The following SEC14L6 variants were observed in gnomAD, a reference collection of about 807,000 sequenced individuals.
SEC14L6 encodes SEC14 like lipid binding 6, also known as SEC14-like protein 6.
Under a neutral mutation model 54.1 loss-of-function variants are expected in SEC14L6, and 40 were observed. That is an observed-to-expected ratio of 0.74 (90% CI 0.57 to 0.96). The LOEUF (loss-of-function observed/expected upper bound fraction) is 0.96, where lower values mean the gene tolerates loss of function less well. SEC14L6 is among the 40% of genes least tolerant of loss of function. The pLI is 0.00. For missense variants in SEC14L6, 471 were observed against 498.3 expected, an observed-to-expected ratio of 0.95 and a Z score of 0.52; for synonymous variants, 171 against 198.4, an observed-to-expected ratio of 0.86 and a Z score of 1.16.
chr22:30,532,122 G>A (rs1601885908), intron 5 of SEC14L6, 124 bp from the exon 6 acceptor site: 1 of 1,427,966 alleles, frequency 7.0e-7, no homozygotes, highest in Admixed American at 2.9e-5. Context: ...GCACAGAGAT[G>A]GGGGAGGGAA....
At chr22:30,532,223 T>A in intron 5 of SEC14L6, 2 of 985,448 alleles carry the variant, frequency 2.0e-6, no homozygotes, top group Non-Finnish European at 2.4e-6. Context: ...TGTGTTGCAG[T>A]TCCCTCTTCG....
At chr22:30,532,737 G>A (rs761949699) in intron 4 of SEC14L6, 24 bp from the exon 5 acceptor site, 81 of 1,591,860 alleles carry the variant, frequency 5.1e-5, no homozygotes, top group Non-Finnish European at 6.3e-5. Context: ...CAGGAGACGG[G>A]GGTTCAGTGC....
intron 2 of SEC14L6, among the ~76,000 whole-genome samples, chr22:30,538,223 C>G (rs1038944709): frequency 6.6e-6 from 1 of 151,900 alleles, no homozygotes; most frequent in Non-Finnish European, 1.5e-5. Flanking sequence ...ATCCTAACTA[C>G]TCGGGAGGCT....
chr22:30,527,327 T>C (rs534796465), intron 8 of SEC14L6, among the ~76,000 whole-genome samples: 2 of 151,850 alleles, frequency 1.3e-5, no homozygotes, highest in African/African-American at 4.8e-5. Flanking sequence ...AAACAACAAA[T>C]TAAAATAGTC....
chr22:30,531,643 G>C (rs1255013181), intron 6 of SEC14L6, among the ~76,000 whole-genome samples: 1 of 152,304 alleles, frequency 6.6e-6, no homozygotes, highest in Non-Finnish European at 1.5e-5. Flanking sequence ...AGAATTGCTT[G>C]AACCCGGGAG....
intron 5 of SEC14L6, 104 bp downstream of exon 5, chr22:30,532,421 G>T (rs1601886473): frequency 1.5e-6 from 2 of 1,343,744 alleles, no homozygotes; most frequent in East Asian, 5.0e-5. Flanking sequence ...GTACCAGGAG[G>T]AGCCGAGGAG....
At chr22:30,536,679 T>C (rs2146281868) in intron 2 of SEC14L6, among the ~76,000 whole-genome samples, 1 of 152,136 alleles carries the variant, frequency 6.6e-6, no homozygotes, top group African/African-American at 2.4e-5. Context: ...CAATAATACC[T>C]ACCTAATTGG....
intron 6 of SEC14L6, among the ~76,000 whole-genome samples, chr22:30,529,972 C>A (rs558259167): frequency 2.6e-5 from 4 of 152,102 alleles, no homozygotes; most frequent in Admixed American, 6.6e-5. Flanking sequence ...AATTAAAATT[C>A]TTGGTTAGAC....
At position 30,523,017 on chromosome 22, in the gene SEC14L6, G is replaced by A. The variant is rs550258081; in HGVS notation, c.*1980C>T. 6.6e-6 allele frequency: 1 copy of A among 152,328 alleles called. No individual in the cohort carries two copies. The highest frequency in any genetic ancestry group is 3.4e-3 in the Middle Eastern group (1 of 294). The allele number at this position is 152,328 out of a possible 1,614,324, so 9.4% of individuals were successfully genotyped here. A position where few individuals can be genotyped will look rare whatever the true frequency, so the allele number is the denominator to read the frequency against. On this transcript the variant is annotated 3_prime_UTR_variant, in exon 12 of 12. Coordinates refer to ENST00000402034, the MANE Select transcript of SEC14L6 (RefSeq NM_001193336.4). ...AGAATCAAAAGGCTAAATATTGCAC[G>A]ATTCCATTTATATGACACTCTGGAA...
chr22:30,530,784 G>A (rs996309173), intron 6 of SEC14L6, among the ~76,000 whole-genome samples: 2 of 152,222 alleles, frequency 1.3e-5, no homozygotes, highest in African/African-American at 2.4e-5. Flanking sequence ...GCTGCCCTGC[G>A]GCCCAGGCCT....
At chr22:30,545,209 C>T (rs1240823666) in intron 1 of SEC14L6, among the ~76,000 whole-genome samples, 1 of 152,192 alleles carries the variant, frequency 6.6e-6, no homozygotes, top group East Asian at 1.9e-4. Flanking sequence ...CACCCTGTTC[C>T]TGCCTCCTCC....
chr22:30,530,464 G>A (rs904671867), intron 6 of SEC14L6, among the ~76,000 whole-genome samples: 5 of 152,116 alleles, frequency 3.3e-5, no homozygotes, highest in Non-Finnish European at 5.9e-5. Context: ...GCAGTGGCGC[G>A]ATCTCAACTC....
chr22:30,545,075 G>A (rs141325068), intron 1 of SEC14L6, among the ~76,000 whole-genome samples: 2 of 151,966 alleles, frequency 1.3e-5, no homozygotes, highest in Non-Finnish European at 2.9e-5. Context: ...CCAAGGACCC[G>A]TCGTTGCCTC....
At chr22:30,542,466 C>G (rs867309128) in intron 1 of SEC14L6, 6 of 546,056 alleles carry the variant, frequency 1.1e-5, no homozygotes, top group Middle Eastern at 1.0e-3. Flanking sequence ...CAGCGCTGAC[C>G]TCAGAAAAAC....
At chr22:30,542,144 TCG>T (rs1435800196) in intron 1 of SEC14L6, among the ~76,000 whole-genome samples, 1 of 152,096 alleles carries the variant, frequency 6.6e-6, no homozygotes, top group Non-Finnish European at 1.5e-5. Context: ...CCCATCCGTC[TCG>T]CGACCCTACC....
chr22:30,540,367 CTTTTTTTT>C (rs753718105), intron 1 of SEC14L6, among the ~76,000 whole-genome samples: 3 of 114,062 alleles, frequency 2.6e-5, no homozygotes, highest in African/African-American at 3.6e-5. Context: ...CTTTTTGTTC[CTTTTTTTT>C]TTTTTTTTTT....
In SEC14L6 at chr22:30,532,597, T is replaced by A; in HGVS notation, c.351A>T (p.Lys117Asn). 3 of 1,550,578 alleles carry A rather than the reference T, an allele frequency of 1.9e-6. No individual in the cohort carries two copies. The South Asian group carries it at 3.6e-5, about 18-fold the overall frequency. ...DPKGLLLSAS[K>N]QELLRDSFRS... ...GGAAGCTGTCCCTGAGCAACTCCTG[T>A]TTGGAGGCTGAGAGCAAGAGGCCTT... Residue 117 changes from lysine to asparagine, a missense_variant, in exon 5 of 12, where the codon AAA (lysine) becomes AAT (asparagine). Coordinates refer to ENST00000402034, the MANE Select transcript of SEC14L6 (RefSeq NM_001193336.4).
chr22:30,537,529 G>C lies in SEC14L6; in HGVS notation c.130+1298C>G, dbSNP rs558026185. On this transcript the variant is annotated intron_variant, in intron 2 of 11. Transcript: ENST00000402034. ...AGCTACTAGGGAGGCTGACGTGGGAGTATCGCTTGAGCCCAGGAGGTCAAG... is the reference window on the plus strand; with the variant it reads ...AGCTACTAGGGAGGCTGACGTGGGACTATCGCTTGAGCCCAGGAGGTCAAG... Among the ~76,000 whole-genome samples, 9 of 152,346 alleles carry C rather than the reference G, an allele frequency of 5.9e-5. No individual in the cohort carries two copies. The East Asian group carries it at 1.7e-3, about 29-fold the overall frequency.
At chr22:30,543,488 A>T in intron 1 of SEC14L6, 1 of 1,612,690 alleles carries the variant, frequency 6.2e-7, no homozygotes, top group Non-Finnish European at 8.5e-7. Flanking sequence ...GAGAACAAGG[A>T]TGGCACCTAC....
Sources: gnomAD v4.1 joint callset for allele counts (sites outside exome capture counted in the v4.1 genomes callset) on GRCh38, gnomAD v4.1.1 for gene constraint, MANE v1.5 for transcripts, NCBI Gene and HGNC (gene_info 2026-07-23, HGNC 2026-07-21) for gene names.